PMM2: variants seen among roughly 807,000 people sequenced by gnomAD.
PMM2 encodes phosphomannomutase 2.
PMM2 carries 35 observed loss-of-function variants against 33.2 expected under a neutral mutation model. The observed-to-expected ratio is 1.06, with a 90% confidence interval of 0.81 to 1.40. The LOEUF is 1.40. PMM2 is among the 40% of genes most tolerant of loss of function. The pLI is 0.00. For missense variants in PMM2, 386 were observed against 306.0 expected (o/e 1.26, Z -1.95); for synonymous variants, 153 against 114.7 (o/e 1.33, Z -2.13).
chr16:8,820,543 G>A (rs758305870), intron 7 of PMM2, among the ~76,000 whole-genome samples: 1 of 151,958 alleles, frequency 6.6e-6, no homozygotes. Flanking sequence ...TAGTAGAGAC[G>A]GGGTTTCACC....
chr16:8,804,145 TCTC>T (rs1163439550), intron 2 of PMM2, among the ~76,000 whole-genome samples: 3 of 148,584 alleles, frequency 2.0e-5, no homozygotes, highest in East Asian at 4.1e-4. Context: ...TTCAAGCAAT[TCTC>T]CTGCCTCAGC....
chr16:8,816,553 C>A (rs932045961), intron 7 of PMM2, among the ~76,000 whole-genome samples: 1 of 150,522 alleles, frequency 6.6e-6, no homozygotes, highest in African/African-American at 2.4e-5. Context: ...ACCAGCCTGA[C>A]CAACATGGAG....
chr16:8,842,769 G>T (rs912615819), intron 7 of PMM2, among the ~76,000 whole-genome samples: 1 of 152,204 alleles, frequency 6.6e-6, no homozygotes, highest in Non-Finnish European at 1.5e-5. Flanking sequence ...GGTTTTAGAA[G>T]CCTATGCTGT....
chr16:8,823,235 A>G (rs1164181864), intron 7 of PMM2, among the ~76,000 whole-genome samples: 3 of 152,214 alleles, frequency 2.0e-5, no homozygotes, highest in Non-Finnish European at 4.4e-5. Context: ...ATTACAAAGA[A>G]TAAGCTTCAG....
chr16:8,827,834 ATTG>A, intron 7 of PMM2, among the ~76,000 whole-genome samples: 1 of 91,158 alleles, frequency 1.1e-5, no homozygotes, highest in East Asian at 3.4e-4. Context: ...TATTATATAT[ATTG>A]TATAATATAT....
At chr16:8,834,813 A>G (rs906351652) in intron 7 of PMM2, among the ~76,000 whole-genome samples, 2 of 152,272 alleles carry the variant, frequency 1.3e-5, no homozygotes, top group African/African-American at 4.8e-5. Flanking sequence ...GAGGAACAGG[A>G]AAGAAGGAAA....
intron 7 of PMM2, among the ~76,000 whole-genome samples, chr16:8,841,793 T>C (rs1278035544): frequency 8.0e-6 from 1 of 124,518 alleles, no homozygotes; most frequent in African/African-American, 2.9e-5. Context: ...GTATCAGGAA[T>C]AATGTGGGAG....
rs141431360 is a variant in PMM2 at position 8,819,892 on chromosome 16, G to T, written c.639+6786G>T. Among the ~76,000 whole-genome samples the T allele has an allele frequency of 3.8e-3, 580 of 152,288 alleles. 6 individuals carry two copies. Among genetic ancestry groups the T allele is most frequent in the African/African-American group, 0.013 (543 of 41,548 alleles). The stretch of plus-strand genomic sequence containing the variant: ...AAGTCCAGGGTCTCAGCTAGTCAGA[G>T]ACTAAGCTGGGATCTGAAAGCCTCG... On this transcript the variant is annotated intron_variant, in intron 7 of 7. Coordinates refer to ENST00000268261, the MANE Select transcript of PMM2 (RefSeq NM_000303.3).
chr16:8,835,424 T>A (rs2060839030), intron 7 of PMM2, among the ~76,000 whole-genome samples: 1 of 151,986 alleles, frequency 6.6e-6, no homozygotes, highest in Non-Finnish European at 1.5e-5. Context: ...GGTAATTTGC[T>A]GAGCCTGATG....
At chr16:8,842,943 G>C (rs111671904) in intron 7 of PMM2, among the ~76,000 whole-genome samples, 21,953 of 152,056 alleles carry the variant, frequency 0.14, 1,663 homozygotes, top group East Asian at 0.24. Flanking sequence ...GGGTTAAGGT[G>C]GGGGGATATG....
chr16:8,806,175 A>G, intron 3 of PMM2, 141 bp from the exon 4 acceptor site: 1 of 698,934 alleles, frequency 1.4e-6, no homozygotes, highest in Non-Finnish European at 2.6e-6. Context: ...GGAATTAAAC[A>G]GACAGTGGGG....
intron 7 of PMM2, among the ~76,000 whole-genome samples, chr16:8,843,766 G>A (rs1176658968): frequency 6.6e-6 from 1 of 152,186 alleles, no homozygotes; most frequent in Non-Finnish European, 1.5e-5. Flanking sequence ...TTAATGTCGG[G>A]AGCAGATTGG....
At chr16:8,845,205 G>C (rs542406296) in intron 7 of PMM2, among the ~76,000 whole-genome samples, 1 of 152,232 alleles carries the variant, frequency 6.6e-6, no homozygotes, top group Non-Finnish European at 1.5e-5. Context: ...AATGTTTTGC[G>C]GGCAGGGGTG....
intron 1 of PMM2, 105 bp downstream of exon 1, chr16:8,798,053 C>G (rs1392777690): frequency 9.4e-7 from 1 of 1,058,820 alleles, no homozygotes. Context: ...GGCTAAGGAC[C>G]GCCTACGTCC....
At chr16:8,832,054 T>G in intron 7 of PMM2, 1 of 774,788 alleles carries the variant, frequency 1.3e-6, no homozygotes, top group Non-Finnish European at 1.6e-6. Context: ...TTCTCTAGCC[T>G]TATTATTCTA....
At chr16:8,837,349 C>G (rs2060856726) in intron 7 of PMM2, among the ~76,000 whole-genome samples, 2 of 151,848 alleles carry the variant, frequency 1.3e-5, no homozygotes, top group African/African-American at 2.4e-5. Context: ...GTATTGGGGT[C>G]AAGTGGAATT....
At chr16:8,829,684 G>A (rs1322851179) in intron 7 of PMM2, among the ~76,000 whole-genome samples, 1 of 152,146 alleles carries the variant, frequency 6.6e-6, no homozygotes, top group Non-Finnish European at 1.5e-5. Context: ...AGATGGAAGA[G>A]CGGATGGTCA....
intron 7 of PMM2, among the ~76,000 whole-genome samples, chr16:8,813,781 G>A (rs745932071): frequency 6.6e-6 from 1 of 151,884 alleles, no homozygotes; most frequent in Admixed American, 6.6e-5. Flanking sequence ...CAGGAGGTCA[G>A]AGAGGCGTTG....
intron 1 of PMM2, among the ~76,000 whole-genome samples, chr16:8,799,053 G>A (rs1307401357): frequency 2.0e-5 from 3 of 152,016 alleles, no homozygotes; most frequent in African/African-American, 7.3e-5. Context: ...CTAAAACTCC[G>A]GTCCCCAATT....
Sources: allele counts gnomAD v4.1 joint callset (sites outside exome capture counted in the v4.1 genomes callset), GRCh38; gene constraint gnomAD v4.1.1; transcripts MANE v1.5; gene names NCBI Gene and HGNC (gene_info 2026-07-23, HGNC 2026-07-21).